The following KCTD5 variants were observed in gnomAD, a reference collection of about 807,000 sequenced individuals.
KCTD5 encodes the protein BTB/POZ domain-containing protein KCTD5.
In KCTD5, 12 loss-of-function variants were observed where a neutral mutation model predicts 27.9. The ratio of observed to expected loss-of-function variants is 0.43; its 90% CI spans 0.28 to 0.70. KCTD5 has a LOEUF of 0.70. Among genes scored for constraint, KCTD5 ranks in the 30% least tolerant of loss-of-function variants. KCTD5 has a pLI of 0.19. For missense variants in KCTD5, 226 were observed against 274.8 expected, an observed-to-expected ratio of 0.82 and a Z score of 1.26; for synonymous variants, 147 against 121.4, an observed-to-expected ratio of 1.21 and a Z score of -1.39.
rs1297895790 is a variant in KCTD5 at position 2,708,110 on chromosome 16, C to T, written c.*783C>T. On this transcript the variant is annotated 3_prime_UTR_variant, in exon 6 of 6. Transcript: ENST00000301738. ...AGGTAGCAGTGTCGCCTCGCCCCTC[C>T]CACTGCGGGCTCACGGGGAGCTGGC... is the stretch of plus-strand genomic sequence containing the variant. 2 of 152,756 alleles carry T rather than the reference C, an allele frequency of 1.3e-5. No individual in the cohort carries two copies. Among genetic ancestry groups the T allele is most frequent in the Non-Finnish European group, 2.9e-5 (2 of 68,108 alleles). The allele number at this position is 152,756 out of a possible 1,614,324, so 9.5% of individuals were successfully genotyped here. A position where few individuals can be genotyped will look rare whatever the true frequency, so the allele number is the denominator to read the frequency against.
chr16:2,687,756 C>G (rs544070266), intron 1 of KCTD5, among the ~76,000 whole-genome samples: 13 of 152,270 alleles, frequency 8.5e-5, no homozygotes, highest in African/African-American at 2.2e-4. Flanking sequence ...CCTCCACGCC[C>G]CAGGTAAGCA....
Position 2,682,855 on chromosome 16 carries a change from C to T in KCTD5, c.252+55C>T, listed in dbSNP as rs1402573231. On this transcript the variant is annotated intron_variant, in intron 1 of 5. Coordinates refer to ENST00000301738, the MANE Select transcript of KCTD5 (RefSeq NM_018992.4). ...TCCTGGCCTTCCCGGCCTGCGGCTC[C>T]TGCACACGCCCTGCTTCGTGCGGAG... is the stretch of plus-strand genomic sequence containing the variant. 20 of 1,527,488 alleles carry T rather than the reference C, an allele frequency of 1.3e-5. 1 individual carries two copies. In the South Asian group the frequency reaches 2.3e-4, roughly 18 times the overall value. 94.6% of individuals were successfully genotyped at this position (1,527,488 alleles called of 1,614,324 possible). A position where few individuals can be genotyped will look rare whatever the true frequency, so the allele number is the denominator to read the frequency against.
chr16:2,701,194 C>G (rs1467700335), intron 4 of KCTD5, among the ~76,000 whole-genome samples: 1 of 152,252 alleles, frequency 6.6e-6, no homozygotes, highest in African/African-American at 2.4e-5. Context: ...AGGTCTTCGA[C>G]CTTAGCACTT....
chr16:2,697,659 C>G (rs1042556241), intron 2 of KCTD5, among the ~76,000 whole-genome samples: 7 of 152,246 alleles, frequency 4.6e-5, no homozygotes, highest in Non-Finnish European at 7.3e-5. Context: ...CTGGGGTGAC[C>G]TGAGCTGGAG....
At chr16:2,689,533 C>T (rs933735264) in intron 1 of KCTD5, among the ~76,000 whole-genome samples, 3 of 130,660 alleles carry the variant, frequency 2.3e-5, no homozygotes, top group Non-Finnish European at 3.3e-5. Flanking sequence ...CTCCGAGCAC[C>T]GGGAATGACT....
At chr16:2,696,901 G>A (rs2067588609) in intron 2 of KCTD5, among the ~76,000 whole-genome samples, 1 of 152,238 alleles carries the variant, frequency 6.6e-6, no homozygotes, top group African/African-American at 2.4e-5. Context: ...TGGTCGCTTG[G>A]GCAGCCGCTT....
intron 4 of KCTD5, among the ~76,000 whole-genome samples, chr16:2,701,588 G>C (rs1329765050): frequency 6.6e-6 from 1 of 152,246 alleles, no homozygotes; most frequent in Non-Finnish European, 1.5e-5. Context: ...AGCTATACAG[G>C]AGCAGCAGGT....
chr16:2,695,321 GTGA>G lies in KCTD5; in HGVS notation c.253-609_253-607del, dbSNP rs1289742708. Among the ~76,000 whole-genome samples the G allele has an allele frequency of 2.5e-5, 3 of 118,910 alleles. 1 individual carries two copies. The highest frequency in any genetic ancestry group is 8.0e-5 in the African/African-American group (3 of 37,516). The allele number at this position is 118,910 out of a possible 152,430, so 78.0% of individuals were successfully genotyped here. On this transcript the variant is annotated intron_variant, in intron 1 of 5. Transcript: ENST00000301738. The stretch of plus-strand genomic sequence containing the variant: ...CCGGGGCGAGGGCTCTGTGAGGTGA[GTGA>G]TGATCTTGGGGAAAGCCCCGGATGC...
At chr16:2,693,161 C>T (rs1302887514) in intron 1 of KCTD5, among the ~76,000 whole-genome samples, 1 of 152,260 alleles carries the variant, frequency 6.6e-6, no homozygotes, top group Admixed American at 6.5e-5. Flanking sequence ...CCCCGAAGCA[C>T]AGCCCCAGCT....
intron 1 of KCTD5, among the ~76,000 whole-genome samples, chr16:2,687,183 C>G (rs2067543382): frequency 6.6e-6 from 1 of 152,186 alleles, no homozygotes; most frequent in South Asian, 2.1e-4. Flanking sequence ...GACCTTAGGC[C>G]ACGAGTCAGT....
chr16:2,697,793 C>T (rs888725700), intron 2 of KCTD5, 113 bp from the exon 3 acceptor site: 9 of 749,804 alleles, frequency 1.2e-5, no homozygotes, highest in East Asian at 1.0e-4. Flanking sequence ...CCCGCTGGGC[C>T]GAGCCATGGG....
intron 5 of KCTD5, 131 bp downstream of exon 5, chr16:2,702,609 T>G: frequency 8.0e-7 from 1 of 1,245,378 alleles, no homozygotes; most frequent in Non-Finnish European, 1.1e-6. Context: ...TGCTGACTTC[T>G]TGGACACACG....
chr16:2,691,121 C>T (rs1349724330), intron 1 of KCTD5, among the ~76,000 whole-genome samples: 1 of 152,248 alleles, frequency 6.6e-6, no homozygotes, highest in African/African-American at 2.4e-5. Flanking sequence ...AGTCAGGCCA[C>T]AGCGAGACCC....
At chr16:2,688,222 TAAATAAA>T (rs2067549528) in intron 1 of KCTD5, among the ~76,000 whole-genome samples, 2 of 133,744 alleles carry the variant, frequency 1.5e-5, no homozygotes, top group Admixed American at 1.5e-4. Context: ...AATAAATAAA[TAAATAAA>T]TATATATATA....
Position 2,707,213 on chromosome 16 carries a change from G to A in KCTD5, c.676-85G>A, listed in dbSNP as rs1218835179. Reference sequence around the variant, plus strand: ...GGCTCCCCGAGCTAACCCCAGGCCTGTGGGCTCTGTTTTCTGGAGCAGGCG... The same window carrying A: ...GGCTCCCCGAGCTAACCCCAGGCCTATGGGCTCTGTTTTCTGGAGCAGGCG... On this transcript the variant is annotated intron_variant, in intron 5 of 5. Transcript: ENST00000301738. 3.7e-6 allele frequency: 5 copies of A among 1,367,944 alleles called. No homozygotes were observed. In the African/African-American group the frequency reaches 5.8e-5, roughly 16 times the overall value. 84.7% of individuals were successfully genotyped at this position (1,367,944 alleles called of 1,614,324 possible). A position where few individuals can be genotyped will look rare whatever the true frequency, so the allele number is the denominator to read the frequency against.
intron 5 of KCTD5, 82 bp downstream of exon 5, chr16:2,702,560 C>T (rs1188046104): frequency 1.3e-6 from 2 of 1,535,780 alleles, no homozygotes; most frequent in Non-Finnish European, 1.8e-6. Flanking sequence ...CCTTTTCTGC[C>T]ATTCTCATCA....
At chr16:2,705,086 C>G (rs901968530) in intron 5 of KCTD5, among the ~76,000 whole-genome samples, 5 of 152,244 alleles carry the variant, frequency 3.3e-5, no homozygotes, top group African/African-American at 1.2e-4. Context: ...CCCACCCGCA[C>G]TGTCCTGACA....
intron 5 of KCTD5, among the ~76,000 whole-genome samples, chr16:2,706,033 A>T (rs998785366): frequency 5.9e-5 from 9 of 152,188 alleles, no homozygotes; most frequent in African/African-American, 2.2e-4. Context: ...CAGACATCCC[A>T]GTAAACTTGG....
chr16:2,690,325 G>C (rs1220821009), intron 1 of KCTD5, among the ~76,000 whole-genome samples: 4 of 152,170 alleles, frequency 2.6e-5, no homozygotes, highest in Non-Finnish European at 5.9e-5. Context: ...TCTGTGGTTT[G>C]GCAACTGTCC....
Sources: allele counts gnomAD v4.1 joint callset (sites outside exome capture counted in the v4.1 genomes callset), GRCh38; gene constraint gnomAD v4.1.1; transcripts MANE v1.5; gene names NCBI Gene and HGNC (gene_info 2026-07-23, HGNC 2026-07-21).